The following OSBPL6 variants were observed in gnomAD, a reference collection of about 807,000 sequenced individuals.
OSBPL6 encodes the protein oxysterol binding protein like 6, also known as oxysterol-binding protein-related protein 6.
A neutral mutation model predicts 125.8 loss-of-function variants in OSBPL6; 49 were observed. The observed-to-expected ratio is 0.39, with a 90% CI of 0.31 to 0.49. The LOEUF (loss-of-function observed/expected upper bound fraction) is 0.49. OSBPL6 is among the 20% of genes least tolerant of loss of function. The pLI is 0.88. For missense variants in OSBPL6, 986 were observed against 1,135.4 expected, an observed-to-expected ratio of 0.87 and a Z score of 1.89; for synonymous variants, 394 against 391.8, an observed-to-expected ratio of 1.01 and a Z score of -0.07.
chr2:178,233,281 G>A (rs557330743), intron 1 of OSBPL6, among the ~76,000 whole-genome samples: 5 of 152,142 alleles, frequency 3.3e-5, no homozygotes, highest in Non-Finnish European at 5.9e-5. Flanking sequence ...CACAGTAAAG[G>A]TGAAGTTAGA....
At chr2:178,247,808 G>A (rs56358349) in intron 1 of OSBPL6, among the ~76,000 whole-genome samples, 3,945 of 152,228 alleles carry the variant, frequency 0.026, 170 homozygotes, top group African/African-American at 0.089. Context: ...TCCTCTCCAT[G>A]CCCCTGTTTC....
chr2:178,401,315 G>A lies in OSBPL6; in HGVS notation c.*5756G>A, dbSNP rs535806599. Reference sequence around the variant, plus strand: ...GTGTCACAAACATTTGAAACACCCAGTGCTCAAGAATGCTGCTTTTCCAAT... The same window carrying A: ...GTGTCACAAACATTTGAAACACCCAATGCTCAAGAATGCTGCTTTTCCAAT... On this transcript the variant is annotated 3_prime_UTR_variant, in exon 25 of 25. Transcript: ENST00000190611. 6.6e-6 allele frequency: 1 copy of A among 152,216 alleles called. No homozygotes were observed. The highest frequency in any genetic ancestry group is 2.1e-4 in the South Asian group (1 of 4,826). The allele number at this position is 152,216 out of a possible 1,614,324, so 9.4% of individuals were successfully genotyped here.
At chr2:178,282,845 G>T (rs1445997710) in intron 1 of OSBPL6, among the ~76,000 whole-genome samples, 1 of 152,094 alleles carries the variant, frequency 6.6e-6, no homozygotes, top group Non-Finnish European at 1.5e-5. Context: ...TAGAGATGGG[G>T]TTTCACCATG....
At position 178,336,321 on chromosome 2, in the gene OSBPL6, G is replaced by T. The variant is rs16866263; in HGVS notation, c.678G>T (p.Pro226=). ...MDGKMQPNSF[P]WQSPLPCSNS... is the part of the protein sequence containing the mutation. ...CGTAGATGCAACCAAACAGCTTTCCGTGGCAGTCCCCTTTACCATGCAGCA... is the reference window on the plus strand; with the variant it reads ...CGTAGATGCAACCAAACAGCTTTCCTTGGCAGTCCCCTTTACCATGCAGCA... The change falls in exon 9 of 25, where the codon CCG becomes CCT. Residue 226 remains proline (P), a synonymous_variant. Coordinates refer to ENST00000190611, the MANE Select transcript of OSBPL6 (RefSeq NM_032523.4). 78,940 of 1,613,656 alleles carry T rather than the reference G, an allele frequency of 0.049. 2,810 individuals are homozygous for T. Among genetic ancestry groups the T allele is most frequent in the South Asian group, 0.15 (13,921 of 91,032 alleles).
intron 13 of OSBPL6, among the ~76,000 whole-genome samples, chr2:178,368,532 A>C (rs1693067827): frequency 6.6e-6 from 1 of 152,204 alleles, no homozygotes; most frequent in African/African-American, 2.4e-5. Context: ...CAGTTCTAAA[A>C]GTGATTAAAA....
intron 14 of OSBPL6, among the ~76,000 whole-genome samples, chr2:178,372,701 C>T (rs940062137): frequency 2.8e-4 from 9 of 31,672 alleles, no homozygotes; most frequent in Non-Finnish European, 1.2e-4. Flanking sequence ...ACAGCTACTA[C>T]TGCTGCTGCT....
At chr2:178,230,559 G>C (rs2090774923) in intron 1 of OSBPL6, 1 of 152,166 alleles carries the variant, frequency 6.6e-6, no homozygotes, top group African/African-American at 2.4e-5. Context: ...GAGAGAACTT[G>C]AGTCACCAAG....
chr2:178,208,195 G>A (rs150436150), intron 1 of OSBPL6, among the ~76,000 whole-genome samples: 1,944 of 151,360 alleles, frequency 0.013, 37 homozygotes, highest in African/African-American at 0.045. Context: ...TGAGGCACGA[G>A]AATTGCTTCA....
intron 1 of OSBPL6, among the ~76,000 whole-genome samples, chr2:178,223,407 CTTG>C (rs2090423256): frequency 6.6e-6 from 1 of 152,014 alleles, no homozygotes; most frequent in Admixed American, 6.6e-5. Flanking sequence ...TCTTGTCTGC[CTTG>C]TTGTAGATAT....
At chr2:178,208,426 A>C (rs1349487062) in intron 1 of OSBPL6, among the ~76,000 whole-genome samples, 1 of 152,040 alleles carries the variant, frequency 6.6e-6, no homozygotes, top group Non-Finnish European at 1.5e-5. Flanking sequence ...CTTAAATTAG[A>C]CTCTTTCAAA....
At chr2:178,204,347 C>G (rs1337268710) in intron 1 of OSBPL6, among the ~76,000 whole-genome samples, 3 of 152,182 alleles carry the variant, frequency 2.0e-5, no homozygotes, top group Admixed American at 6.5e-5. Flanking sequence ...GATGGGAACT[C>G]TCTGCAGATC....
At chr2:178,304,285 A>G (rs1000546744) in intron 2 of OSBPL6, among the ~76,000 whole-genome samples, 1 of 152,204 alleles carries the variant, frequency 6.6e-6, no homozygotes, top group Non-Finnish European at 1.5e-5. Context: ...TATAAAGGAA[A>G]GAGGTTTAAT....
chr2:178,217,719 T>C, intron 1 of OSBPL6, among the ~76,000 whole-genome samples: 1 of 152,206 alleles, frequency 6.6e-6, no homozygotes, highest in Non-Finnish European at 1.5e-5. Context: ...CCTAATCTTA[T>C]TATGCAAATA....
chr2:178,364,543 G>A (rs1023677554), intron 13 of OSBPL6, among the ~76,000 whole-genome samples: 7 of 152,214 alleles, frequency 4.6e-5, no homozygotes, highest in African/African-American at 1.7e-4. Flanking sequence ...ATGGCTTGGA[G>A]ATCAGCGGAA....
In OSBPL6 at chr2:178,395,516, A is replaced by G. The variant is rs771474326; in HGVS notation, c.2762A>G (p.Lys921Arg). ...AACGACACCTACTGGGAGCTTCGAA[A>G]GGACCCTGGGTTTAGCAAAGTAGAC... is the stretch of plus-strand genomic sequence containing the variant. ...VSNDTYWELR[K>R]DPGFSKVDSP... The change falls in exon 25 of 25, where the codon AAG becomes AGG. Residue 921 changes from lysine to arginine, a missense_variant. By Grantham distance (26) the Lys-to-Arg change is conservative. Transcript: ENST00000190611. 1.2e-6 allele frequency: 2 copies of G among 1,613,878 alleles called. No individual in the cohort carries two copies.
chr2:178,379,991 G>A (rs767854523), intron 15 of OSBPL6, among the ~76,000 whole-genome samples: 2 of 152,070 alleles, frequency 1.3e-5, no homozygotes, highest in Non-Finnish European at 1.5e-5. Flanking sequence ...TAAAGACAAA[G>A]ACCAGTTGTT....
intron 2 of OSBPL6, 38 bp downstream of exon 2, chr2:178,285,159 G>A: frequency 2.5e-6 from 1 of 397,932 alleles, no homozygotes; most frequent in Non-Finnish European, 4.4e-6. Flanking sequence ...CCAAAAGCAG[G>A]GTTAGGTTAG....
chr2:178,333,039 A>G lies in OSBPL6; in HGVS notation c.655A>G (p.Lys219Glu). 1 of 1,613,830 alleles carries G rather than the reference A, an allele frequency of 6.2e-7. No homozygotes were observed. The highest frequency in any genetic ancestry group is 8.5e-7 in the Non-Finnish European group (1 of 1,179,946). The change falls in exon 8 of 25, where the codon AAG (lysine) becomes GAG (glutamate). Residue 219 changes from lysine to glutamate, a missense_variant and splice_region_variant. Lys to Glu is a moderately conservative substitution (Grantham distance 56). Around this residue, in one of 3 missense-constraint regions of OSBPL6, gnomAD observed 843 missense variants for 997.3 expected, o/e 0.85. Coordinates refer to ENST00000190611, the MANE Select transcript of OSBPL6 (RefSeq NM_032523.4). ...PAANVSVMDGKMQPNSFPWQS... is the reference protein window; with the variant it reads ...PAANVSVMDGEMQPNSFPWQS... ...TGCTAATGTTTCTGTAATGGATGGA[A>G]AGGTATGACTTTGTTCTATAAAAAC...
intron 10 of OSBPL6, among the ~76,000 whole-genome samples, chr2:178,339,395 ACT>A (rs1363307246): frequency 6.6e-6 from 1 of 152,094 alleles, no homozygotes; most frequent in African/African-American, 2.4e-5. Context: ...TGCTTTAGAT[ACT>A]CTCAGAATTA....
Sources: allele counts gnomAD v4.1 joint callset (sites outside exome capture counted in the v4.1 genomes callset), GRCh38; gene constraint gnomAD v4.1.1; regional missense constraint gnomAD v4.1.1; transcripts MANE v1.5; gene names NCBI Gene and HGNC (gene_info 2026-07-23, HGNC 2026-07-21).